CAMTA1: variants seen among roughly 807,000 people sequenced by gnomAD.
The protein encoded by CAMTA1 is calmodulin-binding transcription activator 1.
Under a neutral mutation model 170.9 loss-of-function variants are expected in CAMTA1, and 27 were observed. That is an observed-to-expected ratio of 0.16 (90% confidence interval 0.12 to 0.22). The LOEUF is 0.22. Ranked by LOEUF, CAMTA1 falls within the 10% of genes least tolerant of loss-of-function variation. The pLI is 1.00. For synonymous variants in CAMTA1, 833 were observed against 891.5 expected, an observed-to-expected ratio of 0.93 and a Z score of 1.17; for missense variants, 1,619 against 2,217.2, an observed-to-expected ratio of 0.73 and a Z score of 5.42.
At chr1:7,417,074 G>T (rs1214567263) in intron 5 of CAMTA1, among the ~76,000 whole-genome samples, 2 of 151,328 alleles carry the variant, frequency 1.3e-5, no homozygotes, top group African/African-American at 4.9e-5. Context: ...CAGAACAGCG[G>T]TGGCTGTAGA....
chr1:7,005,348 A>G (rs1014269719), intron 3 of CAMTA1, among the ~76,000 whole-genome samples: 1 of 152,258 alleles, frequency 6.6e-6, no homozygotes, highest in Admixed American at 6.5e-5. Flanking sequence ...GAGGAGGGCT[A>G]CATCCCTTTG....
At chr1:7,270,258 C>T (rs1275959234) in intron 5 of CAMTA1, among the ~76,000 whole-genome samples, 57 of 96,054 alleles carry the variant, frequency 5.9e-4, no homozygotes, top group Non-Finnish European at 1.2e-3. Flanking sequence ...CACACACACA[C>T]ACACACACAC....
chr1:6,787,188 A>C (rs1335558033), intron 1 of CAMTA1, among the ~76,000 whole-genome samples: 1 of 152,198 alleles, frequency 6.6e-6, no homozygotes, highest in Non-Finnish European at 1.5e-5. Flanking sequence ...ATTTTCTCAA[A>C]TTGTATTCAT....
At chr1:7,433,812 T>C (rs1399644546) in intron 5 of CAMTA1, among the ~76,000 whole-genome samples, 1 of 152,114 alleles carries the variant, frequency 6.6e-6, no homozygotes, top group Non-Finnish European at 1.5e-5. Context: ...TGATGGAAGA[T>C]TCCGTTTCCT....
chr1:7,209,484 T>C (rs913077481), intron 4 of CAMTA1, among the ~76,000 whole-genome samples: 14 of 152,220 alleles, frequency 9.2e-5, no homozygotes, highest in Admixed American at 5.9e-4. Context: ...TCTTTGATGG[T>C]GGTTCCAGAA....
chr1:7,343,164 G>A (rs530742189), intron 5 of CAMTA1, among the ~76,000 whole-genome samples: 22 of 152,182 alleles, frequency 1.4e-4, no homozygotes, highest in Non-Finnish European at 2.8e-4. Flanking sequence ...CATCTTTCAT[G>A]AGTAATATCT....
At chr1:7,433,402 C>T (rs12025939) in intron 5 of CAMTA1, among the ~76,000 whole-genome samples, 11,124 of 152,258 alleles carry the variant, frequency 0.073, 681 homozygotes, top group East Asian at 0.28. Context: ...CTGAAAGCCA[C>T]GGCCTGTGTG....
At chr1:7,101,465 G>C (rs1383306684) in intron 4 of CAMTA1, among the ~76,000 whole-genome samples, 1 of 152,192 alleles carries the variant, frequency 6.6e-6, no homozygotes, top group African/African-American at 2.4e-5. Flanking sequence ...GTGCTGTTTG[G>C]CTAGGAGGTA....
At chr1:6,897,173 A>T (rs1458526150) in intron 3 of CAMTA1, among the ~76,000 whole-genome samples, 1 of 152,228 alleles carries the variant, frequency 6.6e-6, no homozygotes, top group Admixed American at 6.5e-5. Flanking sequence ...GTAGGAGGGA[A>T]CAAACAGGTT....
chr1:7,501,317 C>G (rs1390510617), intron 6 of CAMTA1, among the ~76,000 whole-genome samples: 1 of 152,194 alleles, frequency 6.6e-6, no homozygotes, highest in African/African-American at 2.4e-5. Context: ...TCCTGGCAGG[C>G]AAGAGGAAGG....
chr1:7,481,928 G>A (rs1424322554), intron 6 of CAMTA1, among the ~76,000 whole-genome samples: 1 of 151,954 alleles, frequency 6.6e-6, no homozygotes, highest in Non-Finnish European at 1.5e-5. Context: ...CCCACATCAA[G>A]ATTTGGAACA....
intron 3 of CAMTA1, among the ~76,000 whole-genome samples, chr1:6,961,985 A>T (rs1175403591): frequency 6.6e-6 from 1 of 152,190 alleles, no homozygotes; most frequent in African/African-American, 2.4e-5. Flanking sequence ...GTCTTCCGGT[A>T]TGGCAGTCCT....
chr1:7,378,677 G>A (rs1317213662), intron 5 of CAMTA1, among the ~76,000 whole-genome samples: 2 of 152,110 alleles, frequency 1.3e-5, no homozygotes, highest in Non-Finnish European at 2.9e-5. Flanking sequence ...CTAGACAGTG[G>A]TGATGGTTAC....
intron 6 of CAMTA1, among the ~76,000 whole-genome samples, chr1:7,626,550 T>C (rs1235717813): frequency 6.6e-6 from 1 of 152,186 alleles, no homozygotes; most frequent in Non-Finnish European, 1.5e-5. Context: ...ATGCCACTTG[T>C]GGTGAACAGC....
In CAMTA1 at chr1:7,681,600, C is replaced by G. The variant is rs1007756187; in HGVS notation, c.2914+3867C>G. On this transcript the variant is annotated intron_variant, in intron 11 of 22. Transcript: ENST00000303635. This position sits in a 1 kb window ranked among gnomAD's most constrained non-coding sequence, Gnocchi z 4.6. ...CTTCATACAAAGATGCAAGGGGGAC[C>G]TCTTCCAGGCTAGAGGTAGGCAGGC... Among the ~76,000 whole-genome samples, 1 of 152,226 alleles carries G rather than the reference C, an allele frequency of 6.6e-6. No homozygotes were observed. Among genetic ancestry groups the G allele is most frequent in the Non-Finnish European group, 1.5e-5 (1 of 68,044 alleles).
chr1:7,698,074 A>ACCCC (rs55893283), intron 11 of CAMTA1, among the ~76,000 whole-genome samples: 1 of 98,638 alleles, frequency 1.0e-5, no homozygotes, highest in Non-Finnish European at 2.2e-5. Flanking sequence ...ACGCACTGTG[A>ACCCC]CCCCCCCCCC....
At chr1:7,517,652 T>C (rs1019474845) in intron 6 of CAMTA1, among the ~76,000 whole-genome samples, 1 of 151,952 alleles carries the variant, frequency 6.6e-6, no homozygotes, top group Non-Finnish European at 1.5e-5. Flanking sequence ...GTGACTGCAA[T>C]TGAGCAGGGG....
chr1:7,232,288 G>A (rs60388189), intron 4 of CAMTA1, among the ~76,000 whole-genome samples: 2 of 7,454 alleles, frequency 2.7e-4, no homozygotes, highest in Admixed American at 2.6e-3. Context: ...TGCTGCACAC[G>A]GCTGCCCCGG....
chr1:7,465,141 T>C (rs1254587526), intron 5 of CAMTA1, among the ~76,000 whole-genome samples: 1 of 152,224 alleles, frequency 6.6e-6, no homozygotes, highest in East Asian at 1.9e-4. Context: ...ATTGACCGTC[T>C]CTGGAGTCCT....
Sources: gnomAD v4.1 joint callset for allele counts (sites outside exome capture counted in the v4.1 genomes callset) on GRCh38, gnomAD v4.1.1 for gene constraint, Gnocchi (gnomAD v3.1) non-coding constraint, MANE v1.5 for transcripts, NCBI Gene and HGNC (gene_info 2026-07-23, HGNC 2026-07-21) for gene names.